CLASP1: variants seen among roughly 807,000 people sequenced by gnomAD.
CLASP1 encodes cytoplasmic linker associated protein 1, also known as CLIP-associating protein 1.
In CLASP1, 38 loss-of-function variants were observed where a neutral mutation model predicts 192.3. That is an observed-to-expected ratio of 0.20 (90% CI 0.15 to 0.26). CLASP1 has a LOEUF of 0.26. CLASP1 is among the 10% of genes least tolerant of loss of function. The pLI, the probability that CLASP1 is intolerant of heterozygous loss-of-function variation, is 1.00. For synonymous variants in CLASP1, 691 were observed against 712.8 expected (o/e 0.97, Z 0.49); for missense variants, 1,433 against 1,932.5 (o/e 0.74, Z 4.85).
intron 35 of CLASP1, among the ~76,000 whole-genome samples, chr2:121,365,504 C>T (rs1301274810): frequency 2.0e-5 from 3 of 152,228 alleles, no homozygotes; most frequent in Non-Finnish European, 4.4e-5. Context: ...AGCAGAGGTG[C>T]GAGACCAGCT....
chr2:121,438,742 T>C (rs964671636), intron 19 of CLASP1, among the ~76,000 whole-genome samples: 14 of 151,918 alleles, frequency 9.2e-5, no homozygotes, highest in Admixed American at 2.0e-4. Context: ...CAGTATTTTA[T>C]TGAGGATTTT....
chr2:121,644,000 A>T (rs928627785), intron 1 of CLASP1, among the ~76,000 whole-genome samples: 5 of 152,178 alleles, frequency 3.3e-5, no homozygotes, highest in African/African-American at 1.2e-4. Context: ...GATTACTGCA[A>T]CTACTACTAC....
chr2:121,644,667 A>G (rs2120478), intron 1 of CLASP1, among the ~76,000 whole-genome samples: 37,056 of 151,954 alleles, frequency 0.24, 6,946 homozygotes, highest in African/African-American at 0.52. Flanking sequence ...GGGCCGGTGT[A>G]GGGGAATAGT....
At position 121,612,884 on chromosome 2, in the gene CLASP1, G is replaced by A. The variant is rs1319643284; in HGVS notation, c.-285-6704C>T. ...TCTATAATCATCATTCAAAAGAGCA[G>A]TGTTACAGAGAAGAATTACCTTACA... On this transcript the variant is annotated intron_variant, in intron 1 of 39. Transcript: ENST00000263710. 2.6e-5 allele frequency among the ~76,000 whole-genome samples: 4 copies of A among 152,212 alleles called. No individual in the cohort carries two copies. The East Asian group carries it at 5.8e-4, about 22-fold the overall frequency.
At chr2:121,462,541 A>C in exon 10 of CLASP1, 1 of 1,572,232 alleles carries the variant, frequency 6.4e-7, no homozygotes, top group Non-Finnish European at 8.7e-7. Flanking sequence ...CCTGTACTAC[A>C]GGTACATCAT....
intron 9 of CLASP1, among the ~76,000 whole-genome samples, chr2:121,465,269 C>T (rs1339489771): frequency 6.6e-6 from 1 of 152,162 alleles, no homozygotes; most frequent in Non-Finnish European, 1.5e-5. Flanking sequence ...ATCTAGAAAA[C>T]CCCATTGTCT....
intron 12 of CLASP1, 136 bp downstream of exon 12, chr2:121,459,844 T>C (rs998288762): frequency 4.6e-6 from 3 of 649,990 alleles, no homozygotes; most frequent in Non-Finnish European, 7.1e-6. Flanking sequence ...CTGAAAGAAG[T>C]GTTAACTGGA....
At chr2:121,546,865 G>A (rs2057491139) in intron 2 of CLASP1, among the ~76,000 whole-genome samples, 1 of 152,154 alleles carries the variant, frequency 6.6e-6, no homozygotes, top group South Asian at 2.1e-4. Flanking sequence ...GTTTTAAGCA[G>A]GTCCCTGATC....
At chr2:121,500,345 AAAGAAAG>A (rs1385839605) in intron 8 of CLASP1, among the ~76,000 whole-genome samples, 1 of 12,592 alleles carries the variant, frequency 7.9e-5, no homozygotes, top group Non-Finnish European at 1.7e-4. Flanking sequence ...AAAGAAAGAA[AAAGAAAG>A]AAAGAAAGAA....
intron 34 of CLASP1, among the ~76,000 whole-genome samples, chr2:121,371,231 A>G (rs2068628512): frequency 6.6e-6 from 1 of 151,504 alleles, no homozygotes; most frequent in South Asian, 2.1e-4. Context: ...ATATATACAT[A>G]TATATATATT....
chr2:121,581,377 C>T (rs1382463131), intron 2 of CLASP1, among the ~76,000 whole-genome samples: 2 of 148,824 alleles, frequency 1.3e-5, no homozygotes, highest in Non-Finnish European at 3.0e-5. Context: ...CGGGTTCACG[C>T]CATTCTCCTG....
intron 37 of CLASP1, among the ~76,000 whole-genome samples, chr2:121,357,519 G>A (rs191567426): frequency 6.6e-6 from 1 of 152,088 alleles, no homozygotes; most frequent in Non-Finnish European, 1.5e-5. Context: ...GTGAACCCAG[G>A]CCTTCAAACC....
At chr2:121,571,521 T>C (rs1403914628) in intron 2 of CLASP1, among the ~76,000 whole-genome samples, 1 of 152,078 alleles carries the variant, frequency 6.6e-6, no homozygotes, top group Non-Finnish European at 1.5e-5. Flanking sequence ...AAAATATCAA[T>C]ATTATAGTTG....
intron 6 of CLASP1, among the ~76,000 whole-genome samples, chr2:121,522,130 G>A (rs898465693): frequency 1.1e-4 from 17 of 152,162 alleles, no homozygotes; most frequent in African/African-American, 4.1e-4. Flanking sequence ...GTGTATGTGT[G>A]TGTGTGCGCG....
intron 37 of CLASP1, among the ~76,000 whole-genome samples, chr2:121,357,898 T>C (rs1461335357): frequency 2.6e-5 from 4 of 152,226 alleles, no homozygotes; most frequent in African/African-American, 9.6e-5. Flanking sequence ...TCTCTCCCTA[T>C]GTGCTCCTTT....
At chr2:121,390,226 C>T (rs1233589720) in intron 30 of CLASP1, among the ~76,000 whole-genome samples, 1 of 152,032 alleles carries the variant, frequency 6.6e-6, no homozygotes, top group Admixed American at 6.6e-5. Context: ...CAAGTAATTC[C>T]AGATATGGAA....
intron 23 of CLASP1, among the ~76,000 whole-genome samples, chr2:121,416,093 T>A (rs531453180): frequency 1.3e-5 from 2 of 152,222 alleles, no homozygotes; most frequent in Non-Finnish European, 2.9e-5. Flanking sequence ...TAGTTCAGAC[T>A]GAAATAGTTT....
At chr2:121,633,848 T>TA (rs923027764) in intron 1 of CLASP1, among the ~76,000 whole-genome samples, 267 of 150,708 alleles carry the variant, frequency 1.8e-3, no homozygotes, top group African/African-American at 5.8e-3. Flanking sequence ...CTACTAAAAA[T>TA]AAAAAAAAAT....
chr2:121,355,311 T>C (rs2149182194), intron 37 of CLASP1, among the ~76,000 whole-genome samples: 1 of 152,194 alleles, frequency 6.6e-6, no homozygotes, highest in South Asian at 2.1e-4. Flanking sequence ...GTATTTTTAG[T>C]AGAGACAGGG....
Sources: allele counts gnomAD v4.1 joint callset (sites outside exome capture counted in the v4.1 genomes callset), GRCh38; gene constraint gnomAD v4.1.1; transcripts MANE v1.5; gene names NCBI Gene and HGNC (gene_info 2026-07-23, HGNC 2026-07-21).